The following RBM17 variants were observed in gnomAD, a reference collection of about 807,000 sequenced individuals.
RBM17 encodes the protein RNA binding motif protein 17, also known as splicing factor 45.
RBM17 carries 7 observed loss-of-function variants against 53.2 expected under a neutral mutation model. The ratio of observed to expected loss-of-function variants is 0.13; its 90% CI spans 0.07 to 0.25. The LOEUF is 0.25. Among genes scored for constraint, RBM17 ranks in the 10% least tolerant of loss-of-function variants. The pLI is 1.00. For missense variants in RBM17, 257 were observed against 496.7 expected (o/e 0.52, Z 4.59); for synonymous variants, 167 against 178.1 (o/e 0.94, Z 0.50).
At chr10:6,102,474 C>T (rs1207698778) in intron 3 of RBM17, among the ~76,000 whole-genome samples, 3 of 152,168 alleles carry the variant, frequency 2.0e-5, no homozygotes, top group Non-Finnish European at 4.4e-5. Context: ...GGAGGGGAAG[C>T]ACCACATGGT....
chr10:6,098,321 A>G (rs1840609353), intron 2 of RBM17, among the ~76,000 whole-genome samples: 1 of 152,046 alleles, frequency 6.6e-6, no homozygotes, highest in Non-Finnish European at 1.5e-5. Context: ...CTTGCTGGGG[A>G]GGCAGTAATT....
At chr10:6,097,735 A>C (rs551135413) in intron 2 of RBM17, among the ~76,000 whole-genome samples, 15 of 152,370 alleles carry the variant, frequency 9.8e-5, no homozygotes, top group African/African-American at 3.6e-4. Context: ...TGCTTTTCAA[A>C]CTTAAGTAGT....
rs1564571285 is a variant in RBM17, at chr10:6,117,345, AAGTT to A, written c.*1793_*1796del. ...GTCGAATAATTTCTAAATCTCCTGC[AAGTT>A]AGTACTTGAGAAATTTGAAATTAAT... is the stretch of plus-strand genomic sequence containing the variant. On this transcript the variant is annotated 3_prime_UTR_variant, in exon 12 of 12. Coordinates refer to ENST00000379888, the MANE Select transcript of RBM17 (RefSeq NM_032905.5). 1 of 152,200 alleles carries A rather than the reference AAGTT, an allele frequency of 6.6e-6. No homozygotes were observed. The highest frequency in any genetic ancestry group is 6.5e-5 in the Admixed American group (1 of 15,268). The allele number at this position is 152,200 out of a possible 1,614,324, so 9.4% of individuals were successfully genotyped here.
intron 1 of RBM17, among the ~76,000 whole-genome samples, chr10:6,096,008 T>C (rs1840567607): frequency 6.6e-6 from 1 of 152,200 alleles, no homozygotes; most frequent in Non-Finnish European, 1.5e-5. Flanking sequence ...GGGAAAATGC[T>C]TTATGGGCCC....
chr10:6,114,337 A>G (rs1055639811), intron 10 of RBM17, 190 bp downstream of exon 10: 1 of 458,416 alleles, frequency 2.2e-6, no homozygotes, highest in Non-Finnish European at 4.0e-6. Flanking sequence ...TTCAAGTTTT[A>G]TTTGATGAAG....
chr10:6,097,739 A>G (rs1345379829), intron 2 of RBM17, among the ~76,000 whole-genome samples: 1 of 152,214 alleles, frequency 6.6e-6, no homozygotes, highest in African/African-American at 2.4e-5. Context: ...TTTCAAACTT[A>G]AGTAGTGGAG....
At chr10:6,094,556 A>T (rs1301251246) in intron 1 of RBM17, among the ~76,000 whole-genome samples, 1 of 152,216 alleles carries the variant, frequency 6.6e-6, no homozygotes, top group Non-Finnish European at 1.5e-5. Flanking sequence ...GACCAGTTGG[A>T]TGAAGAGGGC....
rs1840786124 is a variant in RBM17 at position 6,108,365 on chromosome 10, A to T, written c.506-321A>T. On this transcript the variant is annotated intron_variant, in intron 5 of 11. Coordinates refer to ENST00000379888, the MANE Select transcript of RBM17 (RefSeq NM_032905.5). ...ATTGCTCTCGGTAAATAGTTACATT[A>T]CTCTCTTTTTAAGTAACTGCTGGTT... The T allele has an allele frequency of 1.1e-5, 4 of 358,468 alleles. No homozygotes were observed. In the East Asian group the frequency reaches 2.1e-4, roughly 19 times the overall value. The allele number at this position is 358,468 out of a possible 1,614,324, so 22.2% of individuals were successfully genotyped here.
Position 6,108,167 on chromosome 10 carries a change from G to T in RBM17, c.506-519G>T, listed in dbSNP as rs185410259. Among the ~76,000 whole-genome samples, 178 of 152,292 alleles carry T rather than the reference G, an allele frequency of 1.2e-3. 1 individual carries two copies. Among genetic ancestry groups the T allele is most frequent in the African/African-American group, 4.0e-3 (167 of 41,556 alleles). On this transcript the variant is annotated intron_variant, in intron 5 of 11. Coordinates refer to ENST00000379888, the MANE Select transcript of RBM17 (RefSeq NM_032905.5). Reference sequence around the variant, plus strand: ...TCCAGTGGTTTGCACACTGGAAAAGGAGCGTGCTGTGTGGTGGGGGAGATA... The same window carrying T: ...TCCAGTGGTTTGCACACTGGAAAAGTAGCGTGCTGTGTGGTGGGGGAGATA...
intron 2 of RBM17, among the ~76,000 whole-genome samples, chr10:6,098,368 A>G (rs914397208): frequency 6.6e-6 from 1 of 152,106 alleles, no homozygotes; most frequent in Admixed American, 6.5e-5. Flanking sequence ...TGTGTACTGA[A>G]ATATTTACCG....
rs532629138 is a variant in RBM17 at position 6,110,962 on chromosome 10, T to C, written c.704+835T>C. ...GACATGAAGCTGGTTTTGTTTTGTT[T>C]TGTTTTGTTTTCCCTGTTTATGATA... On this transcript the variant is annotated intron_variant, in intron 7 of 11. Transcript: ENST00000379888. Among the ~76,000 whole-genome samples the C allele has an allele frequency of 4.1e-3, 617 of 152,344 alleles. 1 individual carries two copies. The highest frequency in any genetic ancestry group is 0.01 in the Middle Eastern group (3 of 294).
intron 2 of RBM17, among the ~76,000 whole-genome samples, chr10:6,099,299 T>C (rs1182664295): frequency 1.3e-5 from 2 of 151,752 alleles, no homozygotes; most frequent in African/African-American, 4.8e-5. Flanking sequence ...TTAAGGGAAG[T>C]GAAGATTGCA....
Position 6,101,226 on chromosome 10 carries a change from T to C in RBM17, c.124-45T>C, listed in dbSNP as rs114033050. 2.4e-3 allele frequency: 3,048 copies of C among 1,296,442 alleles called. 53 individuals carry two copies. In the African/African-American group the frequency reaches 0.037, roughly 16 times the overall value. The allele number at this position is 1,296,442 out of a possible 1,614,324, so 80.3% of individuals were successfully genotyped here. ...TCTTTGTTGCAAACAGTGTGAATTTTAATTTGAAACTTCAGTATGTTTTCC... is the reference window on the plus strand; with the variant it reads ...TCTTTGTTGCAAACAGTGTGAATTTCAATTTGAAACTTCAGTATGTTTTCC... On this transcript the variant is annotated intron_variant, in intron 2 of 11. Coordinates refer to ENST00000379888, the MANE Select transcript of RBM17 (RefSeq NM_032905.5).
Position 6,101,257 on chromosome 10 carries a change from T to A in RBM17, c.124-14T>A. 6.5e-7 allele frequency: 1 copy of A among 1,540,496 alleles called. No homozygotes were observed. Among genetic ancestry groups the A allele is most frequent in the Non-Finnish European group, 8.8e-7 (1 of 1,134,002 alleles). Reference sequence around the variant, plus strand: ...GAAACTTCAGTATGTTTTCCTTGTTTTTGATGATTTTAGAGCCAAAGGACG... The same window carrying A: ...GAAACTTCAGTATGTTTTCCTTGTTATTGATGATTTTAGAGCCAAAGGACG... On this transcript the variant is annotated splice_polypyrimidine_tract_variant and intron_variant, in intron 2 of 11. Transcript: ENST00000379888.
rs77273345 is a variant in RBM17, at chr10:6,101,453, G to A, written c.240+66G>A. 1,690 of 982,840 alleles carry A rather than the reference G, an allele frequency of 1.7e-3. 21 individuals are homozygous for A. In the African/African-American group the frequency reaches 0.025, roughly 15 times the overall value. The allele number at this position is 982,840 out of a possible 1,614,324, so 60.9% of individuals were successfully genotyped here. On this transcript the variant is annotated intron_variant, in intron 3 of 11. Transcript: ENST00000379888. ...TTCCCATGTGGCTTATTTTGCATAT[G>A]AGTTACTCTTAACAGATGGCCTCCT...
chr10:6,110,245 G>A, intron 7 of RBM17, 118 bp downstream of exon 7: 1 of 841,456 alleles, frequency 1.2e-6, no homozygotes, highest in Non-Finnish European at 1.7e-6. Flanking sequence ...GTGTGTGCAG[G>A]TCACACGGTA....
At position 6,113,490 on chromosome 10, in the gene RBM17, T is replaced by C. The variant is rs1224014569; in HGVS notation, c.857-18T>C. ...CTGCTCAGTTCTGTAACACATCTAA[T>C]GGTATGTTTTGATACAGATGCATCC... On this transcript the variant is annotated intron_variant, in intron 8 of 11. Transcript: ENST00000379888. 1 of 1,562,088 alleles carries C rather than the reference T, an allele frequency of 6.4e-7. No homozygotes were observed. Among genetic ancestry groups the C allele is most frequent in the African/African-American group, 1.4e-5 (1 of 73,898 alleles).
chr10:6,116,842 GTAT>G lies in RBM17; in HGVS notation c.*1291_*1293del, dbSNP rs370165913. 31 of 152,312 alleles carry G rather than the reference GTAT, an allele frequency of 2.0e-4. 1 individual carries two copies. The highest frequency in any genetic ancestry group is 1.5e-3 in the East Asian group (8 of 5,320). The allele number at this position is 152,312 out of a possible 1,614,324, so 9.4% of individuals were successfully genotyped here. Reference sequence around the variant, plus strand: ...AAAGAATAACATTTTATCTTTTGTGGTATTATTTTATTGAATAAAATTGAGTTT... The same window carrying G: ...AAAGAATAACATTTTATCTTTTGTGGTATTTTATTGAATAAAATTGAGTTT... On this transcript the variant is annotated 3_prime_UTR_variant, in exon 12 of 12. Coordinates refer to ENST00000379888, the MANE Select transcript of RBM17 (RefSeq NM_032905.5).
chr10:6,094,192 A>T (rs1327660673), intron 1 of RBM17, among the ~76,000 whole-genome samples: 1 of 151,846 alleles, frequency 6.6e-6, no homozygotes, highest in Non-Finnish European at 1.5e-5. Context: ...GTTAGCCAGG[A>T]TGGTCTCGAT....
Sources: allele counts gnomAD v4.1 joint callset (sites outside exome capture counted in the v4.1 genomes callset), GRCh38; gene constraint gnomAD v4.1.1; transcripts MANE v1.5; gene names NCBI Gene and HGNC (gene_info 2026-07-23, HGNC 2026-07-21).